The following NCALD variants were observed in gnomAD, a reference collection of about 807,000 sequenced individuals.
NCALD encodes neurocalcin delta.
NCALD carries 10 observed loss-of-function variants against 18.6 expected under a neutral mutation model. The observed-to-expected ratio is 0.54, with a 90% CI of 0.33 to 0.91. The LOEUF is 0.91. Among genes scored for constraint, NCALD ranks in the 40% least tolerant of loss-of-function variants. The probability of loss-of-function intolerance (pLI) is 0.03; values close to 1 mark genes in which losing one functional copy is unlikely to be tolerated. For missense variants in NCALD, 184 were observed against 247.6 expected, an observed-to-expected ratio of 0.74 and a Z score of 1.72; for synonymous variants, 88 against 87.4, an observed-to-expected ratio of 1.01 and a Z score of -0.04.
chr8:102,034,216 T>A (rs553753520), intron 1 of NCALD, among the ~76,000 whole-genome samples: 1 of 152,184 alleles, frequency 6.6e-6, no homozygotes, highest in African/African-American at 2.4e-5. Flanking sequence ...TGGTTAACTT[T>A]ACAATTTAGT....
intron 1 of NCALD, among the ~76,000 whole-genome samples, chr8:102,102,427 GGGTCCCCTT>G (rs1444485129): frequency 1.3e-5 from 2 of 152,188 alleles, no homozygotes; most frequent in African/African-American, 4.8e-5. Context: ...CCCTTGCTGG[GGGTCCCCTT>G]GTTATGGCAC....
intron 1 of NCALD, among the ~76,000 whole-genome samples, chr8:101,765,682 C>T (rs1445021136): frequency 6.6e-6 from 1 of 152,120 alleles, no homozygotes; most frequent in Non-Finnish European, 1.5e-5. Context: ...ATCTTCCAAA[C>T]TCAAAGCAAC....
chr8:101,888,200 G>A (rs1177963047), intron 3 of NCALD, among the ~76,000 whole-genome samples: 3 of 152,132 alleles, frequency 2.0e-5, no homozygotes, highest in Non-Finnish European at 4.4e-5. Flanking sequence ...TGGGGTTAGA[G>A]GAAAGGGAAA....
rs1046380846 is a variant in NCALD, at chr8:101,686,570, G to A, written c.*2739C>T. The A allele has an allele frequency of 1.3e-5, 2 of 152,438 alleles. No individual in the cohort carries two copies. The highest frequency in any genetic ancestry group is 2.9e-5 in the Non-Finnish European group (2 of 68,032). 9.4% of individuals were successfully genotyped at this position (152,438 alleles called of 1,614,324 possible). On this transcript the variant is annotated 3_prime_UTR_variant, in exon 4 of 4. Transcript: ENST00000220931. Reference sequence around the variant, plus strand: ...TGTTAAACCAAAAACATGCTTTAATGCCAGGCAAGAGCTACACAGTCAACT... The same window carrying A: ...TGTTAAACCAAAAACATGCTTTAATACCAGGCAAGAGCTACACAGTCAACT...
chr8:102,040,086 A>G (rs1822996137), intron 1 of NCALD, among the ~76,000 whole-genome samples: 1 of 152,184 alleles, frequency 6.6e-6, no homozygotes, highest in Admixed American at 6.5e-5. Context: ...ATGCAATAAC[A>G]TGTACTTCCT....
intron 1 of NCALD, among the ~76,000 whole-genome samples, chr8:102,074,923 T>C (rs892586893): frequency 6.6e-6 from 1 of 152,234 alleles, no homozygotes; most frequent in African/African-American, 2.4e-5. Flanking sequence ...TTTGTTGTAC[T>C]GCTCCATCAT....
intron 4 of NCALD, among the ~76,000 whole-genome samples, chr8:101,882,685 A>G (rs953185795): frequency 3.9e-5 from 6 of 152,268 alleles, no homozygotes; most frequent in African/African-American, 1.4e-4. Flanking sequence ...CCTTTGATAT[A>G]ATGAATTACT....
intron 3 of NCALD, among the ~76,000 whole-genome samples, chr8:101,900,158 T>C (rs1817367293): frequency 6.6e-6 from 1 of 151,934 alleles, no homozygotes; most frequent in Non-Finnish European, 1.5e-5. Context: ...GAGTTATTTG[T>C]AGAATGTCCT....
chr8:102,085,634 G>A, intron 1 of NCALD, among the ~76,000 whole-genome samples: 1 of 152,040 alleles, frequency 6.6e-6, no homozygotes, highest in East Asian at 1.9e-4. Context: ...GCAGGTGCCT[G>A]TAATCCCAGC....
At chr8:101,939,613 A>G (rs1818883965) in intron 2 of NCALD, among the ~76,000 whole-genome samples, 1 of 152,224 alleles carries the variant, frequency 6.6e-6, no homozygotes, top group Non-Finnish European at 1.5e-5. Flanking sequence ...TAGTAAAAAA[A>G]ATAAATAAAT....
At chr8:101,946,055 T>C (rs1819157888) in intron 2 of NCALD, among the ~76,000 whole-genome samples, 1 of 152,112 alleles carries the variant, frequency 6.6e-6, no homozygotes, top group South Asian at 2.1e-4. Flanking sequence ...GAAAAAGAGA[T>C]GGAGGAAAAT....
At chr8:101,830,389 C>T (rs1357353299) in intron 4 of NCALD, among the ~76,000 whole-genome samples, 1 of 151,952 alleles carries the variant, frequency 6.6e-6, no homozygotes, top group Non-Finnish European at 1.5e-5. Flanking sequence ...AGTGAAACCC[C>T]GTCTGTATTA....
intron 1 of NCALD, among the ~76,000 whole-genome samples, chr8:102,081,588 A>C (rs910675806): frequency 9.2e-5 from 13 of 140,896 alleles, no homozygotes; most frequent in African/African-American, 3.0e-4. Flanking sequence ...CCCAAAAAAA[A>C]CTGGCTTTGC....
chr8:101,862,725 C>T (rs1487135564), intron 4 of NCALD, among the ~76,000 whole-genome samples: 1 of 152,186 alleles, frequency 6.6e-6, no homozygotes, highest in Non-Finnish European at 1.5e-5. Flanking sequence ...TAGAAAATCC[C>T]TCCTTCATTT....
intron 2 of NCALD, among the ~76,000 whole-genome samples, chr8:101,968,806 T>C (rs1383301949): frequency 6.6e-6 from 1 of 152,146 alleles, no homozygotes; most frequent in African/African-American, 2.4e-5. Flanking sequence ...CATAAATTTT[T>C]CCCCTCCAAG....
intron 4 of NCALD, among the ~76,000 whole-genome samples, chr8:101,834,205 G>A (rs1814310904): frequency 6.6e-6 from 1 of 152,190 alleles, no homozygotes; most frequent in Non-Finnish European, 1.5e-5. Context: ...TGAAATGTGT[G>A]CAAGGTACAT....
intron 1 of NCALD, among the ~76,000 whole-genome samples, chr8:102,052,663 C>T (rs1166850510): frequency 6.6e-6 from 1 of 152,150 alleles, no homozygotes; most frequent in Non-Finnish European, 1.5e-5. Context: ...CTTTGTTTTC[C>T]CACATTTGAA....
At chr8:101,845,742 C>G (rs1814843596) in intron 4 of NCALD, among the ~76,000 whole-genome samples, 1 of 152,078 alleles carries the variant, frequency 6.6e-6, no homozygotes, top group African/African-American at 2.4e-5. Context: ...CTACAGTCAC[C>G]CTACTGTGCT....
chr8:101,931,989 A>G (rs558846471), intron 2 of NCALD, among the ~76,000 whole-genome samples: 10 of 152,284 alleles, frequency 6.6e-5, no homozygotes, highest in African/African-American at 2.4e-4. Context: ...GCAGGTGGCC[A>G]TCACAGCCCA....
Sources: gnomAD v4.1 joint callset for allele counts (sites outside exome capture counted in the v4.1 genomes callset) on GRCh38, gnomAD v4.1.1 for gene constraint, MANE v1.5 for transcripts, NCBI Gene and HGNC (gene_info 2026-07-23, HGNC 2026-07-21) for gene names.